Variants in ME1 observed in about 807,000 individuals in gnomAD.
ME1 encodes the protein malic enzyme 1, also known as NADP-dependent malic enzyme.
ME1 carries 74 observed loss-of-function variants against 66.4 expected under a neutral mutation model. The ratio of observed to expected loss-of-function variants is 1.11; its 90% CI spans 0.92 to 1.35. The LOEUF (loss-of-function observed/expected upper bound fraction) is 1.35. Ranked by LOEUF, ME1 falls within the 40% of genes most tolerant of loss-of-function variation. The pLI is 0.00. For synonymous variants in ME1, 251 were observed against 235.6 expected, an observed-to-expected ratio of 1.07 and a Z score of -0.60; for missense variants, 750 against 694.1, an observed-to-expected ratio of 1.08 and a Z score of -0.90.
chr6:83,283,797 A>C (rs1476933004), intron 6 of ME1, among the ~76,000 whole-genome samples: 1 of 152,200 alleles, frequency 6.6e-6, no homozygotes, highest in Non-Finnish European at 1.5e-5. Context: ...AAGATCTCAA[A>C]TTAACAATCT....
At chr6:83,407,200 A>C (rs1219611443) in intron 2 of ME1, among the ~76,000 whole-genome samples, 1 of 152,196 alleles carries the variant, frequency 6.6e-6, no homozygotes, top group Non-Finnish European at 1.5e-5. Flanking sequence ...AGTGGAGTCA[A>C]AAACAGACAG....
At chr6:83,215,651 A>G (rs1789975899) in intron 13 of ME1, among the ~76,000 whole-genome samples, 1 of 152,234 alleles carries the variant, frequency 6.6e-6, no homozygotes, top group South Asian at 2.1e-4. Context: ...TGGACACACA[A>G]GCGTGTACAC....
intron 3 of ME1, among the ~76,000 whole-genome samples, chr6:83,379,705 A>AAATACATGTTATAACATTATAT (rs1769359538): frequency 6.6e-6 from 1 of 152,040 alleles, no homozygotes; most frequent in African/African-American, 2.4e-5. Flanking sequence ...ATATATTACT[A>AAATACATGTTATAACATTATAT]AATACATGTT....
At chr6:83,321,616 G>A (rs1768177025) in intron 5 of ME1, among the ~76,000 whole-genome samples, 1 of 152,166 alleles carries the variant, frequency 6.6e-6, no homozygotes, top group Non-Finnish European at 1.5e-5. Flanking sequence ...TCCTCTCTGG[G>A]CAGGGCATCT....
intron 3 of ME1, among the ~76,000 whole-genome samples, chr6:83,352,377 T>C (rs2128544650): frequency 6.6e-6 from 1 of 152,220 alleles, no homozygotes; most frequent in South Asian, 2.1e-4. Context: ...TCTTAGATAT[T>C]TTAAAATATT....
intron 13 of ME1, among the ~76,000 whole-genome samples, chr6:83,215,390 C>T (rs980671180): frequency 2.0e-5 from 3 of 152,042 alleles, no homozygotes; most frequent in Admixed American, 1.3e-4. Context: ...CTGGGACAGC[C>T]GCATGATGGT....
intron 5 of ME1, among the ~76,000 whole-genome samples, chr6:83,317,033 G>C (rs543995102): frequency 8.5e-5 from 13 of 152,194 alleles, no homozygotes; most frequent in African/African-American, 2.9e-4. Flanking sequence ...TTGTGAATCT[G>C]GCTAATGAGA....
intron 7 of ME1, among the ~76,000 whole-genome samples, chr6:83,245,844 T>C (rs1790609024): frequency 6.6e-6 from 1 of 152,018 alleles, no homozygotes. Context: ...TACAATAAGA[T>C]AGTCTAAATT....
At chr6:83,351,957 C>A in intron 4 of ME1, 107 bp downstream of exon 4, 1 of 542,000 alleles carries the variant, frequency 1.8e-6, no homozygotes, top group Non-Finnish European at 3.1e-6. Flanking sequence ...ACTAGAAAAG[C>A]TAATGAATGC....
At chr6:83,395,151 A>G (rs537163442) in intron 3 of ME1, among the ~76,000 whole-genome samples, 1 of 151,722 alleles carries the variant, frequency 6.6e-6, no homozygotes, top group South Asian at 2.1e-4. Flanking sequence ...GTGCAGTAGC[A>G]ATCTCAGCTC....
At chr6:83,428,794 A>G (rs958933209) in intron 1 of ME1, among the ~76,000 whole-genome samples, 6 of 152,214 alleles carry the variant, frequency 3.9e-5, no homozygotes, top group Admixed American at 6.5e-5. Context: ...TGTGGATCCA[A>G]TTTGACATAA....
intron 6 of ME1, among the ~76,000 whole-genome samples, chr6:83,312,688 A>T (rs1157246119): frequency 6.6e-6 from 1 of 152,142 alleles, no homozygotes; most frequent in Non-Finnish European, 1.5e-5. Context: ...TGGTGGGTCC[A>T]TGTTGCAGTA....
chr6:83,273,462 A>G (rs542723299), intron 6 of ME1, among the ~76,000 whole-genome samples: 2 of 152,294 alleles, frequency 1.3e-5, no homozygotes, highest in East Asian at 3.9e-4. Flanking sequence ...AAGTTTTTAA[A>G]AGGTTCTAAA....
chr6:83,332,677 T>G (rs1768437805), intron 5 of ME1, among the ~76,000 whole-genome samples: 1 of 152,136 alleles, frequency 6.6e-6, no homozygotes, highest in Non-Finnish European at 1.5e-5. Flanking sequence ...ATACTGCATA[T>G]TTTCACTTAT....
At chr6:83,362,075 T>TACAGCCCC (rs1342655854) in intron 3 of ME1, among the ~76,000 whole-genome samples, 1 of 152,214 alleles carries the variant, frequency 6.6e-6, no homozygotes, top group African/African-American at 2.4e-5. Context: ...GCTACAGCAC[T>TACAGCCCC]ACAGCCCCTT....
At chr6:83,234,196 T>C (rs1383097831) in intron 9 of ME1, among the ~76,000 whole-genome samples, 6 of 152,264 alleles carry the variant, frequency 3.9e-5, no homozygotes, top group African/African-American at 2.4e-5. Context: ...CAGGTAAAAA[T>C]GTCATCAGAG....
rs1422320004 is a variant in ME1, at chr6:83,398,662, CTT to C, written c.213-148_213-147del. 5 of 498,898 alleles carry C rather than the reference CTT, an allele frequency of 1.0e-5. No individual in the cohort carries two copies. The East Asian group carries it at 1.4e-4, about 14-fold the overall frequency. The allele number at this position is 498,898 out of a possible 1,614,324, so 30.9% of individuals were successfully genotyped here. Reference sequence around the variant, plus strand: ...GATTAAAAAAGACTTAAGAAATATTCTTTTCTTTTTCTTTACGACAGAGTCTT... The same window carrying C: ...GATTAAAAAAGACTTAAGAAATATTCTTCTTTTTCTTTACGACAGAGTCTT... On this transcript the variant is annotated intron_variant, in intron 2 of 13. Transcript: ENST00000369705.
chr6:83,417,698 G>C (rs1770188852), intron 1 of ME1, among the ~76,000 whole-genome samples: 1 of 152,056 alleles, frequency 6.6e-6, no homozygotes, highest in Non-Finnish European at 1.5e-5. Flanking sequence ...TTAATAACAT[G>C]AACAGGCACA....
rs754296141 is a variant in ME1, at chr6:83,237,276, A to AAAGAAAGG, written c.1026+440_1026+441insCCTTTCTT. Among the ~76,000 whole-genome samples, 500 of 73,614 alleles carry AAAGAAAGG rather than the reference A, an allele frequency of 6.8e-3. 38 individuals carry two copies. Among genetic ancestry groups the AAAGAAAGG allele is most frequent in the Middle Eastern group, 0.019 (2 of 108 alleles). The allele number at this position is 73,614 out of a possible 152,430, so 48.3% of individuals were successfully genotyped here. ...GAAAGAAAGAAAGAAAGAAAGAAAG[A>AAAGAAAGG]AAGGAAGGAAGGAAGGAAAGAAAGA... On this transcript the variant is annotated intron_variant, in intron 9 of 13. Coordinates refer to ENST00000369705, the MANE Select transcript of ME1 (RefSeq NM_002395.6).
Sources: gnomAD v4.1 joint callset for allele counts (sites outside exome capture counted in the v4.1 genomes callset) on GRCh38, gnomAD v4.1.1 for gene constraint, MANE v1.5 for transcripts, NCBI Gene and HGNC (gene_info 2026-07-23, HGNC 2026-07-21) for gene names.